The following DOCK5 variants were observed in gnomAD, a reference collection of about 807,000 sequenced individuals.
The protein encoded by DOCK5 is dedicator of cytokinesis protein 5.
DOCK5 carries 142 observed loss-of-function variants against 251.8 expected under a neutral mutation model. That is an observed-to-expected ratio of 0.56 (90% CI 0.49 to 0.65). The LOEUF is 0.65. Ranked by LOEUF, DOCK5 falls within the 30% of genes least tolerant of loss-of-function variation. The probability of loss-of-function intolerance (pLI) is 0.00; values close to 1 mark genes in which losing one functional copy is unlikely to be tolerated. For synonymous variants in DOCK5, 842 were observed against 835.5 expected, an observed-to-expected ratio of 1.01 and a Z score of -0.13; for missense variants, 2,111 against 2,312.3, an observed-to-expected ratio of 0.91 and a Z score of 1.79.
chr8:25,253,152 G>T (rs1448398401), intron 2 of DOCK5, among the ~76,000 whole-genome samples: 1 of 152,148 alleles, frequency 6.6e-6, no homozygotes, highest in African/African-American at 2.4e-5. Context: ...ACGTGATTCA[G>T]GTATAGGCAT....
At chr8:25,187,035 A>G (rs1288288878) in intron 1 of DOCK5, among the ~76,000 whole-genome samples, 2 of 151,632 alleles carry the variant, frequency 1.3e-5, no homozygotes, top group Non-Finnish European at 2.9e-5. Context: ...GGTCTTTACA[A>G]TAAATACGAA....
At chr8:25,375,733 G>C in intron 37 of DOCK5, 1 of 985,228 alleles carries the variant, frequency 1.0e-6, no homozygotes, top group Non-Finnish European at 1.2e-6. Context: ...GTTAAAAATA[G>C]GATTCCTATG....
intron 2 of DOCK5, among the ~76,000 whole-genome samples, chr8:25,265,677 G>A (rs1004052794): frequency 2.0e-5 from 3 of 151,710 alleles, no homozygotes; most frequent in Admixed American, 6.6e-5. Context: ...ATTATGTCAT[G>A]GTTCTTAATT....
chr8:25,295,607 G>T (rs1218945977), intron 6 of DOCK5, among the ~76,000 whole-genome samples: 1 of 152,068 alleles, frequency 6.6e-6, no homozygotes, highest in Non-Finnish European at 1.5e-5. Flanking sequence ...TCTCCTTTAT[G>T]ACCATCTTAA....
intron 6 of DOCK5, among the ~76,000 whole-genome samples, chr8:25,295,529 G>A (rs1804597633): frequency 6.6e-6 from 1 of 152,146 alleles, no homozygotes; most frequent in Non-Finnish European, 1.5e-5. Flanking sequence ...TTCAAATCCT[G>A]GTCTAAATGA....
In DOCK5 at chr8:25,210,008, T is replaced by TTATA. The variant is rs375221561; in HGVS notation, c.43+25080_43+25083dup. On this transcript the variant is annotated intron_variant, in intron 1 of 51. Transcript: ENST00000276440. ...GGCACATGCCACCATCCCCGGCTAATTATATATATATATATATATATATAT... is the reference window on the plus strand; with the variant it reads ...GGCACATGCCACCATCCCCGGCTAATTATATATATATATATATATATATATATAT... Among the ~76,000 whole-genome samples the TTATA allele has an allele frequency of 9.0e-3, 244 of 27,206 alleles. 62 individuals are homozygous for TTATA. Among genetic ancestry groups the TTATA allele is most frequent in the Non-Finnish European group, 0.01 (107 of 10,576 alleles). 17.8% of individuals were successfully genotyped at this position (27,206 alleles called of 152,430 possible).
chr8:25,345,966 C>T (rs1437333149), intron 26 of DOCK5, among the ~76,000 whole-genome samples: 1 of 152,144 alleles, frequency 6.6e-6, no homozygotes, highest in Non-Finnish European at 1.5e-5. Flanking sequence ...TCTCCTGTCC[C>T]AGCCTCCCGA....
intron 28 of DOCK5, among the ~76,000 whole-genome samples, chr8:25,359,704 AAC>A (rs1563215298): frequency 6.6e-6 from 1 of 152,216 alleles, no homozygotes; most frequent in African/African-American, 2.4e-5. Flanking sequence ...TCTGAGGTGG[AAC>A]AGTTTCATCC....
chr8:25,297,450 C>G (rs1804647387), intron 7 of DOCK5, among the ~76,000 whole-genome samples: 1 of 151,990 alleles, frequency 6.6e-6, no homozygotes, highest in Non-Finnish European at 1.5e-5. Context: ...TAGAGACTTT[C>G]ACCATGTTGG....
At chr8:25,242,742 G>A (rs552850837) in intron 1 of DOCK5, among the ~76,000 whole-genome samples, 4 of 152,304 alleles carry the variant, frequency 2.6e-5, no homozygotes, top group African/African-American at 9.6e-5. Flanking sequence ...TAAAGACTGT[G>A]GTGGCTGAGG....
intron 2 of DOCK5, among the ~76,000 whole-genome samples, chr8:25,254,836 A>G (rs987038710): frequency 1.3e-5 from 2 of 151,060 alleles, no homozygotes. Context: ...TCTAAAACGT[A>G]TAAAGAGCTT....
intron 26 of DOCK5, 133 bp downstream of exon 26, chr8:25,345,744 G>A: frequency 7.7e-7 from 1 of 1,301,956 alleles, no homozygotes; most frequent in East Asian, 2.3e-5. Flanking sequence ...GCCCATTTTA[G>A]AGATAATTAG....
At chr8:25,374,528 GA>G (rs764689854) in intron 36 of DOCK5, 35 bp from the exon 37 acceptor site, 59 of 1,575,924 alleles carry the variant, frequency 3.7e-5, no homozygotes, top group Non-Finnish European at 4.7e-5. Context: ...TAAAACTCTC[GA>G]GTGACAAAAT....
At chr8:25,249,291 G>A (rs4872297) in intron 2 of DOCK5, among the ~76,000 whole-genome samples, 30,954 of 152,108 alleles carry the variant, frequency 0.2, 3,854 homozygotes, top group African/African-American at 0.34. Context: ...GTGAGCCATC[G>A]TGCCTGGCCT....
At chr8:25,186,178 A>G (rs1801426509) in intron 1 of DOCK5, among the ~76,000 whole-genome samples, 1 of 152,010 alleles carries the variant, frequency 6.6e-6, no homozygotes, top group East Asian at 1.9e-4. Flanking sequence ...TAACAGTCTC[A>G]TATTTACTAT....
chr8:25,371,458 C>T (rs1800871298), intron 34 of DOCK5, among the ~76,000 whole-genome samples: 1 of 152,078 alleles, frequency 6.6e-6, no homozygotes, highest in African/African-American at 2.4e-5. Context: ...CAGAGCAAGA[C>T]TCCGTCTCAA....
At chr8:25,270,747 T>C in intron 3 of DOCK5, 1 of 701,182 alleles carries the variant, frequency 1.4e-6, no homozygotes, top group East Asian at 2.7e-5. Context: ...CTTTCTAAAG[T>C]ATCCTATGAT....
chr8:25,373,466 C>A (rs964513691), intron 35 of DOCK5, among the ~76,000 whole-genome samples, 152 bp from the exon 36 acceptor site: 65 of 152,164 alleles, frequency 4.3e-4, no homozygotes, highest in African/African-American at 1.5e-3. Context: ...GGATAAATAT[C>A]CCCTTTTCTT....
At chr8:25,224,783 A>G (rs1586242241) in intron 1 of DOCK5, among the ~76,000 whole-genome samples, 1 of 152,246 alleles carries the variant, frequency 6.6e-6, no homozygotes. Context: ...ACAGAAATGT[A>G]TAAAGAAAAA....
Sources: gnomAD v4.1 joint callset for allele counts (sites outside exome capture counted in the v4.1 genomes callset) on GRCh38, gnomAD v4.1.1 for gene constraint, MANE v1.5 for transcripts, NCBI Gene and HGNC (gene_info 2026-07-23, HGNC 2026-07-21) for gene names.